Variants in LRP1B observed in about 807,000 individuals in gnomAD.
The protein encoded by LRP1B is low-density lipoprotein receptor-related protein 1B.
A neutral mutation model predicts 556.6 loss-of-function variants in LRP1B; 217 were observed. The ratio of observed to expected loss-of-function variants is 0.39; its 90% CI spans 0.35 to 0.44. The LOEUF (loss-of-function observed/expected upper bound fraction) is 0.44. LRP1B is among the 20% of genes least tolerant of loss of function. The pLI, the probability that LRP1B is intolerant of heterozygous loss-of-function variation, is 1.00. For synonymous variants in LRP1B, 2,047 were observed against 1,865.8 expected (o/e 1.10, Z -2.50); for missense variants, 5,053 against 5,620.8 (o/e 0.90, Z 3.23).
chr2:141,045,782 T>C (rs1279788880), intron 11 of LRP1B, among the ~76,000 whole-genome samples: 1 of 152,128 alleles, frequency 6.6e-6, no homozygotes, highest in Non-Finnish European at 1.5e-5. Context: ...TGAAAAATAA[T>C]AAATCAAGTA....
chr2:140,597,116 A>G (rs1202047157), intron 43 of LRP1B, among the ~76,000 whole-genome samples: 1 of 152,194 alleles, frequency 6.6e-6, no homozygotes, highest in Non-Finnish European at 1.5e-5. Context: ...GAGGATAAAG[A>G]TGAGGTAATC....
At chr2:141,493,924 T>C (rs986379804) in intron 2 of LRP1B, among the ~76,000 whole-genome samples, 2 of 152,206 alleles carry the variant, frequency 1.3e-5, no homozygotes, top group African/African-American at 4.8e-5. Context: ...AGTTTTTCAA[T>C]AGTGTGTATT....
chr2:141,913,339 C>T (rs929614306), intron 1 of LRP1B, among the ~76,000 whole-genome samples: 7 of 152,090 alleles, frequency 4.6e-5, no homozygotes, highest in Non-Finnish European at 7.4e-5. Flanking sequence ...GAAAAATTCA[C>T]GTATGTAGAA....
intron 86 of LRP1B, among the ~76,000 whole-genome samples, chr2:140,248,152 C>T (rs548106942): frequency 6.6e-6 from 1 of 151,804 alleles, no homozygotes; most frequent in Non-Finnish European, 1.5e-5. Flanking sequence ...TCTGAGGCTG[C>T]TTCCTGAGCT....
intron 7 of LRP1B, among the ~76,000 whole-genome samples, chr2:141,074,533 C>G (rs1403993126): frequency 6.7e-6 from 1 of 150,020 alleles, no homozygotes; most frequent in African/African-American, 2.4e-5. Context: ...AGCCATATGT[C>G]TGCACATACT....
chr2:142,074,003 G>T (rs75884216), intron 1 of LRP1B, among the ~76,000 whole-genome samples: 6,566 of 151,970 alleles, frequency 0.043, 230 homozygotes, highest in Non-Finnish European at 0.058. Flanking sequence ...TAATTTTCCA[G>T]TCTCAGGTAT....
chr2:141,870,647 C>A (rs1194946579), intron 1 of LRP1B, among the ~76,000 whole-genome samples: 1 of 151,870 alleles, frequency 6.6e-6, no homozygotes, highest in African/African-American at 2.4e-5. Context: ...TAAGGGGAAC[C>A]AAGTTACTGC....
At chr2:141,012,615 C>T (rs1014471780) in intron 14 of LRP1B, among the ~76,000 whole-genome samples, 5 of 151,814 alleles carry the variant, frequency 3.3e-5, no homozygotes, top group Non-Finnish European at 5.9e-5. Flanking sequence ...TTCTCATGTA[C>T]ACATTTCCAT....
intron 2 of LRP1B, among the ~76,000 whole-genome samples, chr2:141,618,866 C>T (rs1260056340): frequency 2.6e-5 from 4 of 152,120 alleles, no homozygotes; most frequent in African/African-American, 9.7e-5. Context: ...TGAGCCTTGA[C>T]CATCAGTTAT....
At chr2:140,738,876 T>C (rs1433922631) in intron 35 of LRP1B, among the ~76,000 whole-genome samples, 1 of 152,140 alleles carries the variant, frequency 6.6e-6, no homozygotes, top group African/African-American at 2.4e-5. Flanking sequence ...GGTCAGAAAA[T>C]AATTGTGCTT....
At chr2:140,967,747 G>A (rs1696277401) in intron 18 of LRP1B, among the ~76,000 whole-genome samples, 2 of 152,072 alleles carry the variant, frequency 1.3e-5, no homozygotes. Context: ...TTTTTAGCAT[G>A]AAGTGCTGTT....
intron 1 of LRP1B, among the ~76,000 whole-genome samples, chr2:142,107,931 C>T (rs1324735845): frequency 6.7e-6 from 1 of 150,098 alleles, no homozygotes; most frequent in Non-Finnish European, 1.5e-5. Flanking sequence ...TAGACATGAA[C>T]CACCATGCCC....
intron 1 of LRP1B, among the ~76,000 whole-genome samples, chr2:141,933,131 G>A (rs577483660): frequency 6.6e-6 from 1 of 151,514 alleles, no homozygotes; most frequent in East Asian, 1.9e-4. Context: ...TAATCTACAG[G>A]TTACCTCAGA....
chr2:140,325,900 G>A (rs2105064536), intron 79 of LRP1B, 22 bp from the exon 80 acceptor site: 1 of 1,348,130 alleles, frequency 7.4e-7, no homozygotes, highest in Non-Finnish European at 1.1e-6. Flanking sequence ...ACACACACAA[G>A]ACAAATAGTG....
In LRP1B at chr2:140,265,698, T is replaced by G. The variant is rs184516470; in HGVS notation, c.13247+4544A>C. Reference sequence around the variant, plus strand: ...GAAAGCAATGTCTGTTTCCTGTAAATGTTTTTAGATGAAATAGTACATACT... The same window carrying G: ...GAAAGCAATGTCTGTTTCCTGTAAAGGTTTTTAGATGAAATAGTACATACT... On this transcript the variant is annotated intron_variant, in intron 86 of 90. Transcript: ENST00000389484. Among the ~76,000 whole-genome samples, 438 of 152,202 alleles carry G rather than the reference T, an allele frequency of 2.9e-3. 3 individuals are homozygous for G. Among genetic ancestry groups the G allele is most frequent in the African/African-American group, 9.8e-3 (409 of 41,556 alleles).
At chr2:141,865,367 C>T (rs977596477) in intron 1 of LRP1B, among the ~76,000 whole-genome samples, 5 of 151,710 alleles carry the variant, frequency 3.3e-5, no homozygotes, top group East Asian at 2.0e-4. Context: ...CCGAGGCGGG[C>T]GGATCACGAG....
Position 140,982,282 on chromosome 2 carries a change from A to T in LRP1B, c.2771-6T>A. The T allele has an allele frequency of 6.3e-7, 1 of 1,591,750 alleles. No individual in the cohort carries two copies. Reference sequence around the variant, plus strand: ...GTCTACCTGGCATGTTCTGGCTATGATGATCAATTAATAAACAAAAAATCA... The same window carrying T: ...GTCTACCTGGCATGTTCTGGCTATGTTGATCAATTAATAAACAAAAAATCA... On this transcript the variant is annotated splice_polypyrimidine_tract_variant and splice_region_variant and intron_variant, in intron 17 of 90. Transcript: ENST00000389484.
chr2:142,004,015 A>C (rs1294197458), intron 1 of LRP1B, among the ~76,000 whole-genome samples: 2 of 152,214 alleles, frequency 1.3e-5, no homozygotes, highest in African/African-American at 4.8e-5. Context: ...GGAATAACAC[A>C]CTTCTCTGGC....
intron 22 of LRP1B, among the ~76,000 whole-genome samples, chr2:140,906,771 G>T (rs1197229061): frequency 6.6e-6 from 1 of 151,886 alleles, no homozygotes; most frequent in Non-Finnish European, 1.5e-5. Flanking sequence ...AATAAGCTGG[G>T]CAAGAAAGAA....
Sources: gnomAD v4.1 joint callset for allele counts (sites outside exome capture counted in the v4.1 genomes callset) on GRCh38, gnomAD v4.1.1 for gene constraint, MANE v1.5 for transcripts, NCBI Gene and HGNC (gene_info 2026-07-23, HGNC 2026-07-21) for gene names.